Variants in SYNRG observed in about 807,000 individuals in gnomAD.
The protein encoded by SYNRG is synergin gamma.
A neutral mutation model predicts 130.9 loss-of-function variants in SYNRG; 37 were observed. The observed-to-expected ratio is 0.28, with a 90% CI of 0.22 to 0.37. The LOEUF is 0.37. SYNRG is among the 10% of genes least tolerant of loss of function. The probability of loss-of-function intolerance (pLI) is 1.00; values close to 1 mark genes in which losing one functional copy is unlikely to be tolerated. For missense variants in SYNRG, 1,338 were observed against 1,588.9 expected, an observed-to-expected ratio of 0.84 and a Z score of 2.68; for synonymous variants, 539 against 568.1, an observed-to-expected ratio of 0.95 and a Z score of 0.73.
chr17:37,526,549 T>C (rs1427318288), intron 19 of SYNRG, among the ~76,000 whole-genome samples: 1 of 152,148 alleles, frequency 6.6e-6, no homozygotes, highest in East Asian at 1.9e-4. Context: ...CCTCTTACAG[T>C]TGTGGATTTC....
At chr17:37,523,770 G>C (rs1292547320) in intron 19 of SYNRG, among the ~76,000 whole-genome samples, 1 of 152,176 alleles carries the variant, frequency 6.6e-6, no homozygotes, top group Non-Finnish European at 1.5e-5. Flanking sequence ...AAGGTGGATG[G>C]CTGCACTGAT....
intron 2 of SYNRG, among the ~76,000 whole-genome samples, chr17:37,596,646 A>G (rs755747699): frequency 2.6e-5 from 4 of 152,222 alleles, no homozygotes; most frequent in Admixed American, 2.0e-4. Flanking sequence ...ATGGCCTCCA[A>G]TGACCTCTGT....
intron 19 of SYNRG, among the ~76,000 whole-genome samples, chr17:37,527,692 T>C (rs747802441): frequency 6.6e-6 from 1 of 152,210 alleles, no homozygotes; most frequent in Non-Finnish European, 1.5e-5. Context: ...ATCTAGAGAT[T>C]CTTTAAAATA....
intron 1 of SYNRG, among the ~76,000 whole-genome samples, chr17:37,604,762 G>A (rs576361205): frequency 2.0e-5 from 3 of 152,288 alleles, no homozygotes; most frequent in Admixed American, 6.5e-5. Context: ...TAAAGGGAGA[G>A]ATGGGCGACT....
chr17:37,572,750 C>T lies in SYNRG; in HGVS notation c.902-763G>A, dbSNP rs369569566. The stretch of plus-strand genomic sequence containing the variant: ...CGGAAATACAGCCTTTAAGGAAAGA[C>T]CCAGTTTCTGTTAAGGTGAGGAAGC... On this transcript the variant is annotated intron_variant, in intron 8 of 21. Coordinates refer to ENST00000612223, the MANE Select transcript of SYNRG (RefSeq NM_007247.6). 1.8e-4 allele frequency among the ~76,000 whole-genome samples: 27 copies of T among 152,188 alleles called. No individual in the cohort carries two copies. In the East Asian group the frequency reaches 5.0e-3, roughly 28 times the overall value.
At chr17:37,527,555 A>G (rs1215308152) in intron 19 of SYNRG, among the ~76,000 whole-genome samples, 2 of 152,238 alleles carry the variant, frequency 1.3e-5, no homozygotes, top group Non-Finnish European at 2.9e-5. Context: ...CTGTGGGTTC[A>G]ACCAACCTCA....
At chr17:37,592,898 T>C (rs943087601) in intron 3 of SYNRG, among the ~76,000 whole-genome samples, 10 of 152,120 alleles carry the variant, frequency 6.6e-5, no homozygotes, top group Non-Finnish European at 1.5e-5. Flanking sequence ...GTTTTACCAA[T>C]AGGGGAACTG....
At chr17:37,562,844 A>G (rs137889816) in intron 11 of SYNRG, among the ~76,000 whole-genome samples, 118 of 150,180 alleles carry the variant, frequency 7.9e-4, no homozygotes, top group African/African-American at 2.7e-3. Flanking sequence ...CATCTTAGGG[A>G]AAAAAAACCC....
intron 13 of SYNRG, among the ~76,000 whole-genome samples, chr17:37,557,840 T>C (rs1318984951): frequency 1.3e-5 from 2 of 151,726 alleles, no homozygotes; most frequent in African/African-American, 4.8e-5. Context: ...AGCAATACAC[T>C]GTCTCTCAGA....
At position 37,609,406 on chromosome 17, in the gene SYNRG, G is replaced by A. The variant is rs1184652720; in HGVS notation, c.-51C>T. The A allele has an allele frequency of 2.2e-6, 3 of 1,379,702 alleles. No homozygotes were observed. The African/African-American group carries it at 4.5e-5, about 21-fold the overall frequency. The allele number at this position is 1,379,702 out of a possible 1,614,324, so 85.5% of individuals were successfully genotyped here. On this transcript the variant is annotated 5_prime_UTR_variant, in exon 1 of 22. Transcript: ENST00000612223. ...CGCCGCCGCCACCTTATCAGCAGCT[G>A]TCAGCTGAACACAGCCACTTCCGGG...
Position 37,600,370 on chromosome 17 carries a change from G to T in SYNRG, c.111C>A (p.Pro37=), listed in dbSNP as rs751733019. The T allele has an allele frequency of 1.4e-5, 22 of 1,611,316 alleles. No homozygotes were observed. The highest frequency in any genetic ancestry group is 3.3e-4 in the Middle Eastern group (2 of 6,044). Residue 37 remains proline, a synonymous_variant, in exon 2 of 22, where the codon CCC becomes CCA. Transcript: ENST00000612223. ...ACTTAAGCTCTCACATACCTTGAGG[G>T]GGTCTTATCCCACCTGCAACAGGAA... ...FMFPVAGGIR[P]PQAGLMPMQQ...
intron 20 of SYNRG, 53 bp from the exon 21 acceptor site, chr17:37,520,267 T>C (rs893151427): frequency 6.2e-7 from 1 of 1,610,484 alleles, no homozygotes; most frequent in South Asian, 1.1e-5. Context: ...CAGGGCCTCT[T>C]GCCTCCAAAC....
At chr17:37,545,520 A>T (rs2058207102) in intron 14 of SYNRG, among the ~76,000 whole-genome samples, 1 of 152,252 alleles carries the variant, frequency 6.6e-6, no homozygotes, top group Non-Finnish European at 1.5e-5. Context: ...TTATGCAACA[A>T]GAAAATGTCT....
intron 20 of SYNRG, 85 bp downstream of exon 20, chr17:37,520,451 ACT>A (rs2054859548): frequency 3.0e-6 from 4 of 1,321,326 alleles, no homozygotes; most frequent in African/African-American, 1.5e-5. Context: ...CTGGTCACAA[ACT>A]CTGCAGTAAA....
At chr17:37,586,395 C>T (rs200076443) in intron 4 of SYNRG, 24 bp downstream of exon 4, 61 of 1,613,274 alleles carry the variant, frequency 3.8e-5, no homozygotes, top group Non-Finnish European at 5.0e-5. Context: ...TCTTTGTTAT[C>T]CTTTAATTCT....
At position 37,570,631 on chromosome 17, in the gene SYNRG, A is replaced by G; in HGVS notation, c.1347+6T>C. On this transcript the variant is annotated splice_donor_region_variant and intron_variant, in intron 10 of 21. Transcript: ENST00000612223. Reference sequence around the variant, plus strand: ...TATCTGAAATATGCACAGCTTCGCCATTTACCTGATTTGCAGGGTAGGTTG... The same window carrying G: ...TATCTGAAATATGCACAGCTTCGCCGTTTACCTGATTTGCAGGGTAGGTTG... The G allele has an allele frequency of 6.2e-7, 1 of 1,608,228 alleles. No individual in the cohort carries two copies. Among genetic ancestry groups the G allele is most frequent in the Non-Finnish European group, 8.5e-7 (1 of 1,177,304 alleles).
chr17:37,517,526 A>C lies in SYNRG; in HGVS notation c.*1414T>G, dbSNP rs2054520258. ...ACGCAGAAGGTCAAGCAGAAGCCTC[A>C]GCAACAGCTGTTTAATGAAAATGTT... On this transcript the variant is annotated 3_prime_UTR_variant, in exon 22 of 22. Coordinates refer to ENST00000612223, the MANE Select transcript of SYNRG (RefSeq NM_007247.6). 2 of 152,042 alleles carry C rather than the reference A, an allele frequency of 1.3e-5. No homozygotes were observed. Among genetic ancestry groups the C allele is most frequent in the African/African-American group, 4.8e-5 (2 of 41,392 alleles). The allele number at this position is 152,042 out of a possible 1,614,324, so 9.4% of individuals were successfully genotyped here. A position where few individuals can be genotyped will look rare whatever the true frequency, so the allele number is the denominator to read the frequency against.
chr17:37,594,685 C>A (rs2062602647), intron 3 of SYNRG, among the ~76,000 whole-genome samples: 1 of 152,140 alleles, frequency 6.6e-6, no homozygotes, highest in Non-Finnish European at 1.5e-5. Flanking sequence ...TGGTCTCGAT[C>A]TCCTGAACTC....
chr17:37,608,826 C>G lies in SYNRG; in HGVS notation c.77+453G>C, dbSNP rs138051958. Among the ~76,000 whole-genome samples, 597 of 152,326 alleles carry G rather than the reference C, an allele frequency of 3.9e-3. 3 individuals carry two copies. The highest frequency in any genetic ancestry group is 4.9e-3 in the Non-Finnish European group (330 of 68,034). ...GGAAGAGACAAATAGTCCACACACACACCCCCCTTGGAAACAGTCCTCCAG... is the reference window on the plus strand; with the variant it reads ...GGAAGAGACAAATAGTCCACACACAGACCCCCCTTGGAAACAGTCCTCCAG... On this transcript the variant is annotated intron_variant, in intron 1 of 21. Transcript: ENST00000612223.
Sources: allele counts gnomAD v4.1 joint callset (sites outside exome capture counted in the v4.1 genomes callset), GRCh38; gene constraint gnomAD v4.1.1; transcripts MANE v1.5; gene names NCBI Gene and HGNC (gene_info 2026-07-23, HGNC 2026-07-21).